GNAS-AS1: variants seen among roughly 807,000 people sequenced by gnomAD.
GNAS-AS1 encodes the protein GNAS antisense RNA 1 (non-protein coding).
At chr20:58,839,339 G>T (rs1346401930) in intron 4 of GNAS-AS1, 1 of 398,576 alleles carries the variant, frequency 2.5e-6, no homozygotes, top group Non-Finnish European at 4.4e-6. Context: ...GAAAATGCTA[G>T]AGGCTTAATA....
intron 4 of GNAS-AS1, among the ~76,000 whole-genome samples, chr20:58,831,541 G>T (rs777883256): frequency 1.2e-4 from 18 of 152,108 alleles, no homozygotes; most frequent in Non-Finnish European, 1.8e-4. Context: ...TTAGCCGGGA[G>T]AATGGCATGA....
In GNAS-AS1 at chr20:58,841,161, G is replaced by A. The variant is rs1256388808; in HGVS notation, n.819+776C>T. Among the ~76,000 whole-genome samples, 1 of 152,128 alleles carries A rather than the reference G, an allele frequency of 6.6e-6. No homozygotes were observed. The highest frequency in any genetic ancestry group is 1.9e-4 in the East Asian group (1 of 5,158). On this transcript the variant is annotated intron_variant and non_coding_transcript_variant, in intron 4 of 4. Transcript: ENST00000424094. This position sits in a 1 kb window ranked among gnomAD's most constrained non-coding sequence, Gnocchi z 5.0. ...CCTGAGGTCTCCGAGCTGGTGCCCC[G>A]GCTACGCGACTGAATCCCGAACGCA...
At position 58,841,678 on chromosome 20, in the gene GNAS-AS1, G is replaced by T; in HGVS notation, n.819+259C>A. Reference sequence around the variant, plus strand: ...TTAGGGGAAAGTACCTGGGGGAAAGGTAGAGGAGGTAAGGGGACCCTTGGG... The same window carrying T: ...TTAGGGGAAAGTACCTGGGGGAAAGTTAGAGGAGGTAAGGGGACCCTTGGG... On this transcript the variant is annotated intron_variant and non_coding_transcript_variant, in intron 4 of 4. Transcript: ENST00000424094. The surrounding 1 kb of genome is among the most constrained non-coding windows in gnomAD (Gnocchi z 5.0). The T allele has an allele frequency of 2.5e-6, 3 of 1,179,108 alleles. No individual in the cohort carries two copies. The highest frequency in any genetic ancestry group is 3.1e-6 in the Non-Finnish European group (3 of 954,256). 73.0% of individuals were successfully genotyped at this position (1,179,108 alleles called of 1,614,324 possible). A position where few individuals can be genotyped will look rare whatever the true frequency, so the allele number is the denominator to read the frequency against.
chr20:58,839,381 AT>A (rs2085644429), intron 4 of GNAS-AS1: 1 of 399,546 alleles, frequency 2.5e-6, no homozygotes, highest in Non-Finnish European at 4.4e-6. Flanking sequence ...ATTCCCCTGA[AT>A]ATTTGCTATT....
chr20:58,842,327 C>A (rs1294759608), intron 3 of GNAS-AS1: 2 of 397,664 alleles, frequency 5.0e-6, no homozygotes, highest in African/African-American at 2.1e-5. Flanking sequence ...CTTAATTATA[C>A]GGATGACAAC....
At chr20:58,825,432 C>G (rs143105935) in intron 4 of GNAS-AS1, among the ~76,000 whole-genome samples, 154 of 152,310 alleles carry the variant, frequency 1.0e-3, no homozygotes, top group African/African-American at 3.6e-3. Context: ...GGGACATCAG[C>G]CACGCTGCCA....
chr20:58,828,232 C>A (rs2145454315), intron 4 of GNAS-AS1, among the ~76,000 whole-genome samples: 1 of 152,354 alleles, frequency 6.6e-6, no homozygotes, highest in East Asian at 1.9e-4. Context: ...CTATTTCTAC[C>A]TTCCAAACCA....
Position 58,837,690 on chromosome 20 carries a change from G to A in GNAS-AS1, n.819+4247C>T, listed in dbSNP as rs111336582. ...ACTCCTGGCCTCAAGTGACCCACCC[G>A]CCTCGGCCTCCCAAAGTGCTGGGAT... On this transcript the variant is annotated intron_variant and non_coding_transcript_variant, in intron 4 of 4. Transcript: ENST00000424094. 9.7e-3 allele frequency among the ~76,000 whole-genome samples: 1,473 copies of A among 152,272 alleles called. 12 individuals are homozygous for A. The highest frequency in any genetic ancestry group is 0.016 in the Non-Finnish European group (1,060 of 68,020).
chr20:58,821,358 G>A (rs1331700477), intron 4 of GNAS-AS1, among the ~76,000 whole-genome samples: 3 of 152,152 alleles, frequency 2.0e-5, no homozygotes, highest in Non-Finnish European at 4.4e-5. Flanking sequence ...TCCTCCATCA[G>A]CTCCATCATT....
At position 58,840,796 on chromosome 20, in the gene GNAS-AS1, C is replaced by T. The variant is rs771753113; in HGVS notation, n.819+1141G>A. Reference sequence around the variant, plus strand: ...AGAAGCCCACCCGCCGTGACGCGTCCCCGGAGTCCCCTTCCAAAAAGGGAC... The same window carrying T: ...AGAAGCCCACCCGCCGTGACGCGTCTCCGGAGTCCCCTTCCAAAAAGGGAC... On this transcript the variant is annotated intron_variant and non_coding_transcript_variant, in intron 4 of 4. Coordinates refer to ENST00000424094, the Ensembl canonical transcript of GNAS-AS1. The surrounding 1 kb of genome is among the most constrained non-coding windows in gnomAD (Gnocchi z 6.0). 6.2e-7 allele frequency: 1 copy of T among 1,612,128 alleles called. No individual in the cohort carries two copies. Among genetic ancestry groups the T allele is most frequent in the Non-Finnish European group, 8.5e-7 (1 of 1,179,976 alleles).
intron 4 of GNAS-AS1, chr20:58,839,657 G>A (rs1313538569): frequency 2.3e-5 from 10 of 426,376 alleles, no homozygotes; most frequent in Non-Finnish European, 3.3e-5. Context: ...CAGCTCGCGG[G>A]GAGGTGGCCC....
In GNAS-AS1 at chr20:58,820,452, C is replaced by G. The variant is rs2085478467; in HGVS notation, n.820-1197G>C. On this transcript the variant is annotated intron_variant and non_coding_transcript_variant, in intron 4 of 4. Transcript: ENST00000424094. The stretch of plus-strand genomic sequence containing the variant: ...CCCCACCTAAGGCCTAAGGAACCAG[C>G]TCTGACTATAGGCTGAGTCCCAAAG... Among the ~76,000 whole-genome samples the G allele has an allele frequency of 2.0e-5, 3 of 152,234 alleles. No individual in the cohort carries two copies. In the South Asian group the frequency reaches 6.2e-4, roughly 32 times the overall value.
intron 4 of GNAS-AS1, among the ~76,000 whole-genome samples, chr20:58,825,679 C>T (rs1043601878): frequency 1.3e-5 from 2 of 152,176 alleles, no homozygotes; most frequent in Admixed American, 1.3e-4. Context: ...CTCGATATTC[C>T]TAAAGGGGTG....
At position 58,840,102 on chromosome 20, in the gene GNAS-AS1, AGAG is replaced by A. The variant is rs774390751; in HGVS notation, n.819+1832_819+1834del. On this transcript the variant is annotated intron_variant and non_coding_transcript_variant, in intron 4 of 4. Coordinates refer to ENST00000424094, the Ensembl canonical transcript of GNAS-AS1. The surrounding 1 kb of genome is among the most constrained non-coding windows in gnomAD (Gnocchi z 6.0). ...AGGCCGGCTTCTCGGTGTGTGCCTA[AGAG>A]GATGGATCGGAGGTCCCGGGCTCAG... 5.6e-6 allele frequency: 9 copies of A among 1,610,618 alleles called. No homozygotes were observed. In the Admixed American group the frequency reaches 1.3e-4, roughly 24 times the overall value.
At chr20:58,850,657 C>G in exon 1 of GNAS-AS1, 2 of 399,314 alleles carry the variant, frequency 5.0e-6, no homozygotes, top group Non-Finnish European at 8.8e-6. Context: ...TCTTCTTGCT[C>G]CTCACCTTGC....
Position 58,847,498 on chromosome 20 carries a change from T to C in GNAS-AS1, n.413+1381A>G, listed in dbSNP as rs763280500. Among the ~76,000 whole-genome samples, 7 of 152,242 alleles carry C rather than the reference T, an allele frequency of 4.6e-5. No individual in the cohort carries two copies. The South Asian group carries it at 8.3e-4, about 18-fold the overall frequency. On this transcript the variant is annotated intron_variant and non_coding_transcript_variant, in intron 2 of 4. Transcript: ENST00000424094. ...AAGTCTATTACTACTCACTCAGCACTCAGAAAACATTTGTCACTGGGAGGC... is the reference window on the plus strand; with the variant it reads ...AAGTCTATTACTACTCACTCAGCACCCAGAAAACATTTGTCACTGGGAGGC...
At chr20:58,831,836 T>C (rs909699546) in intron 4 of GNAS-AS1, among the ~76,000 whole-genome samples, 2 of 152,180 alleles carry the variant, frequency 1.3e-5, no homozygotes, top group African/African-American at 4.8e-5. Flanking sequence ...ATCAAAATTC[T>C]AAAAGGCAGG....
intron 1 of GNAS-AS1, among the ~76,000 whole-genome samples, chr20:58,849,584 C>T (rs911607059): frequency 6.6e-6 from 1 of 152,224 alleles, no homozygotes; most frequent in Admixed American, 6.5e-5. Flanking sequence ...TCTGCCATGT[C>T]TAAAACCAAA....
At position 58,840,081 on chromosome 20, in the gene GNAS-AS1, CG is replaced by C; in HGVS notation, n.819+1855del. ...CTCTCTGCAGAGCCAGAGGGCAGGC[CG>C]GCTTCTCGGTGTGTGCCTAAGAGGA... On this transcript the variant is annotated intron_variant and non_coding_transcript_variant, in intron 4 of 4. Transcript: ENST00000424094. This position sits in a 1 kb window ranked among gnomAD's most constrained non-coding sequence, Gnocchi z 6.0. 1 of 1,608,464 alleles carries C rather than the reference CG, an allele frequency of 6.2e-7. No individual in the cohort carries two copies. The highest frequency in any genetic ancestry group is 8.5e-7 in the Non-Finnish European group (1 of 1,179,816).
Sources: allele counts gnomAD v4.1 joint callset (sites outside exome capture counted in the v4.1 genomes callset), GRCh38; gene constraint gnomAD v4.1.1; non-coding constraint Gnocchi (gnomAD v3.1); transcripts MANE v1.5; gene names NCBI Gene and HGNC (gene_info 2026-07-23, HGNC 2026-07-21).